ZNF782: variants seen among roughly 807,000 people sequenced by gnomAD.
ZNF782 encodes zinc finger protein 782.
In ZNF782, 12 loss-of-function variants were observed where a neutral mutation model predicts 13.0. That is an observed-to-expected ratio of 0.92 (90% CI 0.59 to 1.50). The LOEUF (loss-of-function observed/expected upper bound fraction) is 1.50. ZNF782 is among the 40% of genes most tolerant of loss of function. ZNF782 has a pLI of 0.00. For synonymous variants in ZNF782, 284 were observed against 283.0 expected, an observed-to-expected ratio of 1.00 and a Z score of -0.04; for missense variants, 770 against 822.9, an observed-to-expected ratio of 0.94 and a Z score of 0.79.
At chr9:96,891,816 T>C in the ZNF782 span, 1 of 152,222 alleles carries the variant, frequency 6.6e-6, no homozygotes, top group Admixed American at 6.5e-5. Context: ...AATGCTGGCA[T>C]TACAGGCGTG....
the ZNF782 span, among the ~76,000 whole-genome samples, chr9:96,885,697 A>C: frequency 9.3e-5 from 14 of 150,402 alleles, no homozygotes; most frequent in African/African-American, 2.8e-4. Flanking sequence ...ATAATAATTA[A>C]GTTTCTGGAA....
At chr9:96,872,967 A>G (rs1403610232) in intron 1 of ZNF782, among the ~76,000 whole-genome samples, 1 of 152,224 alleles carries the variant, frequency 6.6e-6, no homozygotes, top group Non-Finnish European at 1.5e-5. Flanking sequence ...GTGGAAGTAC[A>G]GAAAGTAGAA....
intron 4 of ZNF782, among the ~76,000 whole-genome samples, chr9:96,827,962 G>A (rs576063521): frequency 6.6e-6 from 1 of 152,278 alleles, no homozygotes; most frequent in African/African-American, 2.4e-5. Context: ...GACTTGGCAA[G>A]CTGATGTGAC....
the ZNF782 span, among the ~76,000 whole-genome samples, chr9:96,885,545 T>C: frequency 1.4e-4 from 22 of 152,218 alleles, no homozygotes; most frequent in African/African-American, 5.1e-4. Context: ...AGAGATCCAG[T>C]AGGAGAGAGA....
At chr9:96,873,477 A>G (rs944791497) in intron 1 of ZNF782, among the ~76,000 whole-genome samples, 3 of 152,176 alleles carry the variant, frequency 2.0e-5, no homozygotes, top group African/African-American at 7.2e-5. Context: ...AGGTGGGCAG[A>G]TTACTTGAGT....
the ZNF782 span, among the ~76,000 whole-genome samples, chr9:96,881,616 C>CT: frequency 3.3e-5 from 5 of 151,996 alleles, no homozygotes; most frequent in African/African-American, 1.2e-4. Context: ...AAGGCTTGAA[C>CT]TTTTTTTCCT....
intron 4 of ZNF782, among the ~76,000 whole-genome samples, chr9:96,842,523 C>T (rs1471987676): frequency 6.6e-6 from 1 of 151,702 alleles, no homozygotes; most frequent in East Asian, 1.9e-4. Context: ...TAGGCAAAAA[C>T]AAACAAAAAA....
chr9:96,841,073 T>C (rs1022018287), intron 4 of ZNF782, among the ~76,000 whole-genome samples: 1 of 151,926 alleles, frequency 6.6e-6, no homozygotes, highest in Non-Finnish European at 1.5e-5. Context: ...AACAGGTCTA[T>C]AAATACAGAT....
intron 1 of ZNF782, among the ~76,000 whole-genome samples, chr9:96,872,483 A>G (rs893552730): frequency 2.0e-5 from 3 of 151,674 alleles, no homozygotes; most frequent in African/African-American, 7.3e-5. Flanking sequence ...GTGAGCCAAG[A>G]TCGCGCCACT....
chr9:96,877,959 AAC>A (rs10603755), upstream of ZNF782, among the ~76,000 whole-genome samples: 10,058 of 152,224 alleles, frequency 0.066, 989 homozygotes, highest in African/African-American at 0.22. Flanking sequence ...CAGTATAATA[AAC>A]AGTCAACCCA....
At chr9:96,910,032 T>C in the ZNF782 span, 3 of 555,922 alleles carry the variant, frequency 5.4e-6, no homozygotes. Context: ...TGAACTCTCG[T>C]TTTCTTTTTA....
upstream of ZNF782, among the ~76,000 whole-genome samples, chr9:96,878,009 G>C (rs1851915016): frequency 6.6e-6 from 1 of 152,090 alleles, no homozygotes; most frequent in South Asian, 2.1e-4. Context: ...TTGGCAACTT[G>C]GCAACTTGTT....
At chr9:96,862,947 G>A (rs192989403) in intron 1 of ZNF782, among the ~76,000 whole-genome samples, 2 of 152,324 alleles carry the variant, frequency 1.3e-5, no homozygotes, top group Admixed American at 1.3e-4. Context: ...AGGGAAATGT[G>A]CAGGTTTCCA....
intron 5 of ZNF782, among the ~76,000 whole-genome samples, chr9:96,824,526 T>C (rs1352232842): frequency 1.3e-5 from 2 of 151,642 alleles, no homozygotes; most frequent in Non-Finnish European, 2.9e-5. Flanking sequence ...ACCACTCCTA[T>C]TCAACATAGT....
At chr9:96,876,117 C>T (rs1430831596), upstream of ZNF782, among the ~76,000 whole-genome samples, 1 of 152,094 alleles carries the variant, frequency 6.6e-6, no homozygotes, top group Non-Finnish European at 1.5e-5. Context: ...GGTGCGTGGT[C>T]CTCCATCAAA....
At chr9:96,889,593 G>A in the ZNF782 span, 2 of 152,178 alleles carry the variant, frequency 1.3e-5, no homozygotes, top group Non-Finnish European at 2.9e-5. Flanking sequence ...TAGAGACAGG[G>A]TTTCTCCACG....
At chr9:96,885,561 T>C in the ZNF782 span, among the ~76,000 whole-genome samples, 2 of 152,228 alleles carry the variant, frequency 1.3e-5, no homozygotes, top group Middle Eastern at 3.4e-3. Flanking sequence ...AGAGAGGCAC[T>C]GAAAAAGTGT....
intron 2 of ZNF782, among the ~76,000 whole-genome samples, chr9:96,861,179 G>A (rs908604735): frequency 4.6e-5 from 7 of 152,132 alleles, no homozygotes; most frequent in African/African-American, 1.7e-4. Flanking sequence ...ATATTGGACT[G>A]GGCAAATATT....
At chr9:96,862,435 C>T (rs747021644) in intron 1 of ZNF782, among the ~76,000 whole-genome samples, 17 of 151,952 alleles carry the variant, frequency 1.1e-4, no homozygotes, top group Admixed American at 2.0e-4. Flanking sequence ...CTTCATTTAC[C>T]CTACAGTTAC....
Sources: gnomAD v4.1 joint callset for allele counts (sites outside exome capture counted in the v4.1 genomes callset) on GRCh38, gnomAD v4.1.1 for gene constraint, MANE v1.5 for transcripts, NCBI Gene and HGNC (gene_info 2026-07-23, HGNC 2026-07-21) for gene names.